Variants in XCR1 observed in about 807,000 individuals in gnomAD.
The protein encoded by XCR1 is chemokine XC receptor 1.
For missense variants in XCR1, 356 were observed against 424.2 expected, an observed-to-expected ratio of 0.84 and a Z score of 1.41; for synonymous variants, 187 against 188.5, an observed-to-expected ratio of 0.99 and a Z score of 0.06.
At chr3:46,078,261 G>A (rs1698296322) in intron 1 of XCR1, among the ~76,000 whole-genome samples, 1 of 151,972 alleles carries the variant, frequency 6.6e-6, no homozygotes, top group African/African-American at 2.4e-5. Context: ...CATTTTTGGT[G>A]CCATGAGAAG....
At chr3:46,068,997 G>T (rs551377609) in intron 3 of XCR1, among the ~76,000 whole-genome samples, 1 of 152,198 alleles carries the variant, frequency 6.6e-6, no homozygotes, top group Non-Finnish European at 1.5e-5. Context: ...AATATCATAT[G>T]TTTAAATAAT....
chr3:46,036,943 T>G (rs181911207), intron 5 of XCR1, among the ~76,000 whole-genome samples: 20 of 152,206 alleles, frequency 1.3e-4, no homozygotes, highest in African/African-American at 4.8e-4. Context: ...AAAATGTGAG[T>G]AAGTGCTATA....
Position 46,018,169 on chromosome 3 carries a change from T to C in XCR1, c.*2777A>G, listed in dbSNP as rs576015197. On this transcript the variant is annotated 3_prime_UTR_variant, in exon 2 of 2. Coordinates refer to ENST00000309285, the MANE Select transcript of XCR1 (RefSeq NM_001024644.2). ...CACTGGAAGTATAAAGAGTCAGATA[T>C]GAAACGCTCCCAGGGAGATGGCTGG... 2.0e-5 allele frequency: 3 copies of C among 152,248 alleles called. No individual in the cohort carries two copies. Among genetic ancestry groups the C allele is most frequent in the East Asian group, 1.9e-4 (1 of 5,164 alleles). The allele number at this position is 152,248 out of a possible 1,614,324, so 9.4% of individuals were successfully genotyped here.
intron 4 of XCR1, among the ~76,000 whole-genome samples, chr3:46,055,380 C>T (rs1018003599): frequency 6.6e-5 from 10 of 152,130 alleles, no homozygotes; most frequent in Non-Finnish European, 2.9e-5. Flanking sequence ...TTTCCAGATC[C>T]CAAATTCCAG....
At chr3:46,024,354 A>G (rs1708244034) in intron 1 of XCR1, among the ~76,000 whole-genome samples, 1 of 152,214 alleles carries the variant, frequency 6.6e-6, no homozygotes. Context: ...TGCGTTGCAT[A>G]TCTCATTCAC....
intron 4 of XCR1, among the ~76,000 whole-genome samples, chr3:46,065,118 G>GA (rs986081383): frequency 1.6e-4 from 24 of 150,804 alleles, no homozygotes; most frequent in South Asian, 8.4e-4. Flanking sequence ...AAAAAAAAAG[G>GA]AAAAAAAAAT....
chr3:46,067,708 A>C lies in XCR1; in HGVS notation c.-262-730T>G, dbSNP rs112367827. On this transcript the variant is annotated intron_variant, in intron 3 of 5. Transcript: ENST00000683768. ...TTAACTAACTTGGGGACCATATTTC[A>C]AAACTGTCACATGGAGATTTAGGGA... Among the ~76,000 whole-genome samples, 178 of 152,302 alleles carry C rather than the reference A, an allele frequency of 1.2e-3. 1 individual carries two copies. Among genetic ancestry groups the C allele is most frequent in the Middle Eastern group, 6.8e-3 (2 of 294 alleles).
intron 5 of XCR1, among the ~76,000 whole-genome samples, chr3:46,038,013 G>C (rs1463292048): frequency 1.4e-5 from 2 of 146,662 alleles, no homozygotes; most frequent in Non-Finnish European, 3.0e-5. Context: ...TATGTTGTGT[G>C]CACGGGTTTG....
chr3:46,053,482 T>C (rs1402313137), intron 5 of XCR1, among the ~76,000 whole-genome samples: 8 of 152,196 alleles, frequency 5.3e-5, no homozygotes, highest in South Asian at 2.1e-4. Flanking sequence ...TCTCCTGTTT[T>C]TTATTTTCAA....
At chr3:46,067,757 G>C (rs935820030) in intron 3 of XCR1, among the ~76,000 whole-genome samples, 1 of 152,134 alleles carries the variant, frequency 6.6e-6, no homozygotes, top group African/African-American at 2.4e-5. Flanking sequence ...GAAGTGGCTT[G>C]GCTAAGTTTT....
intron 1 of XCR1, among the ~76,000 whole-genome samples, chr3:46,079,721 G>T (rs936832628): frequency 2.0e-5 from 3 of 152,108 alleles, no homozygotes; most frequent in African/African-American, 7.2e-5. Context: ...AAACTGAACT[G>T]AAGAATATTA....
intron 1 of XCR1, chr3:46,023,741 G>A: frequency 6.5e-7 from 1 of 1,546,596 alleles, no homozygotes; most frequent in East Asian, 2.3e-5. Flanking sequence ...CAGCAAAAGA[G>A]TGAGACAGCA....
chr3:46,050,123 G>A (rs1697712173), intron 5 of XCR1, among the ~76,000 whole-genome samples: 1 of 152,320 alleles, frequency 6.6e-6, no homozygotes, highest in Admixed American at 6.5e-5. Flanking sequence ...AGAGTTGGGG[G>A]TAGGAAGAAT....
chr3:46,056,090 C>T (rs924502962), intron 4 of XCR1, among the ~76,000 whole-genome samples: 7 of 152,174 alleles, frequency 4.6e-5, no homozygotes, highest in Admixed American at 2.0e-4. Flanking sequence ...CTCTTGACTC[C>T]TTAGGCTGGC....
At position 46,021,394 on chromosome 3, in the gene XCR1, G is replaced by T. The variant is rs1398475648; in HGVS notation, c.554C>A (p.Thr185Asn). The T allele has an allele frequency of 1.2e-6, 2 of 1,614,198 alleles. No homozygotes were observed. The change falls in exon 2 of 2, where the codon ACC becomes AAC. Residue 185 changes from threonine (T) to asparagine (N), a missense_variant. Thr to Asn is a moderately conservative substitution (Grantham distance 65). Coordinates refer to ENST00000309285, the MANE Select transcript of XCR1 (RefSeq NM_001024644.2). This position sits in a 1 kb window ranked among gnomAD's most constrained non-coding sequence, Gnocchi z 4.7. ...CDYSELTWYLTSVYQHNLFFL... is the reference protein window; with the variant it reads ...CDYSELTWYLNSVYQHNLFFL... ...GAAGAGGTTGTGCTGGTAGACGGAG[G>T]TGAGGTACCACGTGAGTTCGGAATA...
intron 1 of XCR1, among the ~76,000 whole-genome samples, chr3:46,080,184 C>CAAA (rs202215316): frequency 7.6e-6 from 1 of 132,062 alleles, no homozygotes; most frequent in African/African-American, 2.6e-5. Context: ...GTCCTTGTCT[C>CAAA]AAAAAAAAAA....
intron 3 of XCR1, among the ~76,000 whole-genome samples, chr3:46,072,645 A>T (rs1187365171): frequency 6.6e-6 from 1 of 152,226 alleles, no homozygotes; most frequent in African/African-American, 2.4e-5. Flanking sequence ...CAAATATCTC[A>T]TGTTCATGGA....
Position 46,019,726 on chromosome 3 carries a change from T to C in XCR1, c.*1220A>G, listed in dbSNP as rs35334665. 0.09 allele frequency: 13,718 copies of C among 152,286 alleles called. 1,007 individuals carry two copies. The highest frequency in any genetic ancestry group is 0.34 in the South Asian group (1,649 of 4,820). The allele number at this position is 152,286 out of a possible 1,614,324, so 9.4% of individuals were successfully genotyped here. On this transcript the variant is annotated 3_prime_UTR_variant, in exon 2 of 2. Coordinates refer to ENST00000309285, the MANE Select transcript of XCR1 (RefSeq NM_001024644.2). ...GGCTGGCATCGGATTGTGGAGGCCT[T>C]GAAAGCCTTGCTAAAGTGTATGGAC...
intron 3 of XCR1, among the ~76,000 whole-genome samples, chr3:46,074,140 A>G (rs937275680): frequency 6.6e-6 from 1 of 151,850 alleles, no homozygotes; most frequent in Non-Finnish European, 1.5e-5. Context: ...TTATCACAGC[A>G]CAATTTACAA....
Sources: gnomAD v4.1 joint callset for allele counts (sites outside exome capture counted in the v4.1 genomes callset) on GRCh38, gnomAD v4.1.1 for gene constraint, Gnocchi (gnomAD v3.1) non-coding constraint, MANE v1.5 for transcripts, NCBI Gene and HGNC (gene_info 2026-07-23, HGNC 2026-07-21) for gene names.